ABCA7: variants seen among roughly 807,000 people sequenced by gnomAD.
ABCA7 encodes the protein ATP binding cassette subfamily A member 7, also known as phospholipid-transporting ATPase ABCA7.
A neutral mutation model predicts 227.6 loss-of-function variants in ABCA7; 261 were observed. The ratio of observed to expected loss-of-function variants is 1.15; its 90% confidence interval spans 1.04 to 1.27. The LOEUF (loss-of-function observed/expected upper bound fraction) is 1.27. Ranked by LOEUF, ABCA7 falls within the 50% of genes most tolerant of loss-of-function variation. ABCA7 has a pLI of 0.00. For synonymous variants in ABCA7, 1,488 were observed against 1,279.7 expected (o/e 1.16, Z -3.47); for missense variants, 3,331 against 2,924.5 (o/e 1.14, Z -3.21).
intron 40 of ABCA7, 68 bp from the exon 41 acceptor site, chr19:1,061,714 A>T: frequency 4.2e-6 from 6 of 1,444,298 alleles, no homozygotes; most frequent in Non-Finnish European, 5.6e-6. Context: ...AAAAAAAAAA[A>T]AGAAATCAGA....
rs762757194 is a variant in ABCA7, at chr19:1,043,378, C to A, written c.835C>A (p.Leu279Met). The change falls in exon 9 of 47, where the codon CTG becomes ATG. Residue 279 changes from leucine to methionine, a missense_variant. Leu to Met is a conservative substitution (Grantham distance 15). Transcript: ENST00000263094. ...GATTGGAGCCCTGGACAGCCACCCG[C>A]TGTCCCGCCTGCTCTGGAGACGCCT... The part of the protein sequence containing the change: ...ELIGALDSHP[L>M]SRLLWRRLKP... 1.9e-6 allele frequency: 3 copies of A among 1,613,034 alleles called. No individual in the cohort carries two copies. In the African/African-American group the frequency reaches 4.0e-5, roughly 22 times the overall value.
chr19:1,063,447 C>T, intron 42 of ABCA7, 97 bp from the exon 43 acceptor site: 1 of 1,502,350 alleles, frequency 6.7e-7, no homozygotes, highest in Non-Finnish European at 9.0e-7. Flanking sequence ...GCCCATTATG[C>T]CCCTGCTCCA....
chr19:1,048,496 C>CAAAAAAAAAAAAAA (rs1234415864), intron 16 of ABCA7, among the ~76,000 whole-genome samples: 1 of 21,628 alleles, frequency 4.6e-5, no homozygotes, highest in African/African-American at 1.9e-4. Flanking sequence ...AACTCAGTCT[C>CAAAAAAAAAAAAAA]AAAAAAAAAA....
rs1407910712 is a variant in ABCA7, at chr19:1,043,831, C to G, written c.1037C>G (p.Ala346Gly). Residue 346 changes from alanine (A) to glycine (G), a missense_variant, in exon 10 of 47, where the codon GCC becomes GGC. By Grantham distance (60) the Ala-to-Gly change is moderately conservative (BLOSUM62 0). Transcript: ENST00000263094. ...TTCATGAACGACAGTTCCAATGTGG[C>G]CATGCTGCAGGTGTGCGGGGGTGCT... Reference protein sequence around the residue: ...FTFMNDSSNVAMLQRLLQMQD... With the variant: ...FTFMNDSSNVGMLQRLLQMQD... 6.2e-7 allele frequency: 1 copy of G among 1,613,030 alleles called. No homozygotes were observed. Among genetic ancestry groups the G allele is most frequent in the Non-Finnish European group, 8.5e-7 (1 of 1,179,914 alleles).
In ABCA7 at chr19:1,054,510, A is replaced by G; in HGVS notation, c.3727-60A>G. On this transcript the variant is annotated intron_variant, in intron 27 of 46. Transcript: ENST00000263094. This position sits in a 1 kb window ranked among gnomAD's most constrained non-coding sequence, Gnocchi z 4.8. ...GGGTGGTTGTAGAGCAGGAGCAGGGACAGGTGCAAGCAAGCCTGGAGGGTG... is the reference window on the plus strand; with the variant it reads ...GGGTGGTTGTAGAGCAGGAGCAGGGGCAGGTGCAAGCAAGCCTGGAGGGTG... The G allele has an allele frequency of 6.3e-7, 1 of 1,586,060 alleles. No individual in the cohort carries two copies. Among genetic ancestry groups the G allele is most frequent in the South Asian group, 1.1e-5 (1 of 90,154 alleles).
At chr19:1,061,955 C>T in intron 41 of ABCA7, 67 bp downstream of exon 41, 2 of 1,478,204 alleles carry the variant, frequency 1.4e-6, no homozygotes, top group Non-Finnish European at 1.8e-6. Context: ...CTTCCCCACC[C>T]CTCCACCTCC....
In ABCA7 at chr19:1,064,923, C is replaced by A; in HGVS notation, c.6045-8C>A. The A allele has an allele frequency of 6.4e-7, 1 of 1,557,722 alleles. No individual in the cohort carries two copies. Among genetic ancestry groups the A allele is most frequent in the South Asian group, 1.2e-5 (1 of 84,538 alleles). ...CCGATCCGGTAGCCCTGGCCCCACT[C>A]ACTGCAGATTCGCGGCGGGTCACAC... On this transcript the variant is annotated splice_polypyrimidine_tract_variant and splice_region_variant and intron_variant, in intron 45 of 46. Transcript: ENST00000263094.
At chr19:1,061,587 T>A (rs541747987) in intron 40 of ABCA7, among the ~76,000 whole-genome samples, 195 bp from the exon 41 acceptor site, 4 of 150,462 alleles carry the variant, frequency 2.7e-5, no homozygotes, top group African/African-American at 9.8e-5. Flanking sequence ...TAGCCCCAGC[T>A]ACTTGGGAGG....
At position 1,047,565 on chromosome 19, in the gene ABCA7, T is replaced by C. The variant is rs1195363295; in HGVS notation, c.2180T>C (p.Val727Ala). The change falls in exon 16 of 47, where the codon GTC becomes GCC. Residue 727 changes from valine (V) to alanine (A), a missense_variant. By Grantham distance (64) the Val-to-Ala change is moderately conservative. Transcript: ENST00000263094. ...HNVGTRPTAD[V>A]FSLAQVSGLL... ...GTGGGCACCCGGCCTACGGCAGACG[T>C]CTTCAGCCTGGCCCAGGTCTCTGGC... 6.2e-7 allele frequency: 1 copy of C among 1,602,754 alleles called. No homozygotes were observed. Among genetic ancestry groups the C allele is most frequent in the African/African-American group, 1.3e-5 (1 of 75,018 alleles).
chr19:1,047,318 G>A lies in ABCA7; in HGVS notation c.2007G>A (p.Leu669=), dbSNP rs3752238. The A allele has an allele frequency of 4.0e-4, 647 of 1,602,102 alleles. 3 individuals carry two copies. In the East Asian group the frequency reaches 0.013, roughly 31 times the overall value. ...GCCTGGCCTACTTCTCCCTCTACCTGCCCTACGTGCTGTGTGTGGCTTGGC... is the reference window on the plus strand; with the variant it reads ...GCCTGGCCTACTTCTCCCTCTACCTACCCTACGTGCTGTGTGTGGCTTGGC... ...CGGLAYFSLY[L]PYVLCVAWRD... The change falls in exon 15 of 47, where the codon CTG becomes CTA. Residue 669 remains leucine (L), a synonymous_variant. Transcript: ENST00000263094.
rs1005787844 is a variant in ABCA7, at chr19:1,056,664, T to G, written c.4586+165T>G. Reference sequence around the variant, plus strand: ...CTCCCTAAGCCAGGGAAATGGGACCTCCTCAGACTCAGCGGGCCCCAGCCT... The same window carrying G: ...CTCCCTAAGCCAGGGAAATGGGACCGCCTCAGACTCAGCGGGCCCCAGCCT... On this transcript the variant is annotated intron_variant, in intron 33 of 46. Coordinates refer to ENST00000263094, the MANE Select transcript of ABCA7 (RefSeq NM_019112.4). The surrounding 1 kb of genome is among the most constrained non-coding windows in gnomAD (Gnocchi z 4.3). Among the ~76,000 whole-genome samples the G allele has an allele frequency of 2.6e-5, 4 of 152,078 alleles. No individual in the cohort carries two copies. Among genetic ancestry groups the G allele is most frequent in the Non-Finnish European group, 5.9e-5 (4 of 68,002 alleles).
chr19:1,062,159 C>T lies in ABCA7; in HGVS notation c.5571-13C>T. 1.2e-6 allele frequency: 2 copies of T among 1,610,698 alleles called. No individual in the cohort carries two copies. The highest frequency in any genetic ancestry group is 1.1e-5 in the South Asian group (1 of 91,004). ...TAGCCAGCTCTCTGAGCCCCCGGCG[C>T]CCCCATCCCCAGCGTGGCCCGGGAA... is the stretch of plus-strand genomic sequence containing the variant. On this transcript the variant is annotated splice_polypyrimidine_tract_variant and intron_variant, in intron 41 of 46. Transcript: ENST00000263094.
chr19:1,063,922 G>T (rs552241654), intron 44 of ABCA7, 59 bp downstream of exon 44: 2 of 1,472,820 alleles, frequency 1.4e-6, no homozygotes, highest in African/African-American at 1.4e-5. Flanking sequence ...TGGAGAGAGA[G>T]CCCCAAAGCA....
In ABCA7 at chr19:1,053,887, G is replaced by A. The variant is rs765902755; in HGVS notation, c.3472+51G>A. ...GACCCCAGTCCAGAGTGGGACCAGA[G>A]GCCAGGTCCCCATCCCTGGCTTAGT... is the stretch of plus-strand genomic sequence containing the variant. On this transcript the variant is annotated intron_variant, in intron 25 of 46. Transcript: ENST00000263094. 6 of 1,595,594 alleles carry A rather than the reference G, an allele frequency of 3.8e-6. No individual in the cohort carries two copies. The South Asian group carries it at 4.5e-5, about 12-fold the overall frequency.
chr19:1,056,403 C>T lies in ABCA7; in HGVS notation c.4490C>T (p.Ala1497Val), dbSNP rs763409743. Residue 1497 changes from alanine to valine, a missense_variant, in exon 33 of 47, where the codon GCT becomes GTT. Ala to Val is a moderately conservative substitution (Grantham distance 64). Transcript: ENST00000263094. The surrounding 1 kb of genome is among the most constrained non-coding windows in gnomAD (Gnocchi z 4.3). ...CGAGCCAGCAACGCAATCCTCCGTGCTCACCTGCCCCCAGGCCCGGCCCGC... is the reference window on the plus strand; with the variant it reads ...CGAGCCAGCAACGCAATCCTCCGTGTTCACCTGCCCCCAGGCCCGGCCCGC... ...VNRASNAILR[A>V]HLPPGPARHA... is the part of the protein sequence containing the mutation. The T allele has an allele frequency of 6.2e-7, 1 of 1,613,466 alleles. No homozygotes were observed. Among genetic ancestry groups the T allele is most frequent in the East Asian group, 2.2e-5 (1 of 44,878 alleles).
intron 25 of ABCA7, 55 bp from the exon 26 acceptor site, chr19:1,053,951 T>C: frequency 6.2e-7 from 1 of 1,607,760 alleles, no homozygotes. Flanking sequence ...ACCTGATTCC[T>C]GATCCCCCAA....
chr19:1,045,159 G>GC lies in ABCA7; in HGVS notation c.1377dup (p.Gly460ArgfsTer12). The GC allele has an allele frequency of 1.2e-6, 2 of 1,611,342 alleles. No homozygotes were observed. Among genetic ancestry groups the GC allele is most frequent in the Admixed American group, 1.7e-5 (1 of 59,976 alleles). On this transcript the variant is annotated frameshift_variant, in exon 12 of 47. Transcript: ENST00000263094. LOFTEE classifies it high-confidence loss of function. ...ACAGAGCACCCAACCCCAGACCTGG[G>GC]CCCCGGCCACGTGCGCATCAAAATC...
chr19:1,053,773 T>A lies in ABCA7; in HGVS notation c.3424-15T>A, dbSNP rs2041996211. The A allele has an allele frequency of 9.3e-6, 15 of 1,609,212 alleles. No individual in the cohort carries two copies. The East Asian group carries it at 3.1e-4, about 34-fold the overall frequency. On this transcript the variant is annotated splice_polypyrimidine_tract_variant and intron_variant, in intron 24 of 46. Coordinates refer to ENST00000263094, the MANE Select transcript of ABCA7 (RefSeq NM_019112.4). ...TGTCGGTGTCCAGTCTCTGAGCCCC[T>A]GCTTGTCTCCCCAGATCTTCCTGAA...
chr19:1,042,064 G>C lies in ABCA7; in HGVS notation c.303G>C (p.Leu101=), dbSNP rs1219243456. The change falls in exon 5 of 47, where the codon CTG becomes CTC. Residue 101 remains leucine (L), a splice_region_variant and synonymous_variant. Coordinates refer to ENST00000263094, the MANE Select transcript of ABCA7 (RefSeq NM_019112.4). ...CCTCCTGCCCTCTCTCTGTCCCCAG[G>C]GTCTCCCGGCTGCTAGCCGATGCCC... ...PGRLSNFNDS[L]VSRLLADART... is the part of the protein sequence containing the mutation. 1.9e-6 allele frequency: 3 copies of C among 1,591,860 alleles called. No individual in the cohort carries two copies. The highest frequency in any genetic ancestry group is 1.3e-5 in the African/African-American group (1 of 74,788).
Sources: gnomAD v4.1 joint callset for allele counts (sites outside exome capture counted in the v4.1 genomes callset) on GRCh38, gnomAD v4.1.1 for gene constraint, Gnocchi (gnomAD v3.1) non-coding constraint, MANE v1.5 for transcripts, NCBI Gene and HGNC (gene_info 2026-07-23, HGNC 2026-07-21) for gene names.